The following CADM2 variants were observed in gnomAD, a reference collection of about 807,000 sequenced individuals.
CADM2 encodes the protein immunoglobulin superfamily member 4D.
CADM2 carries 12 observed loss-of-function variants against 49.8 expected under a neutral mutation model. That is an observed-to-expected ratio of 0.24 (90% CI 0.15 to 0.39). CADM2 has a LOEUF of 0.39. Among genes scored for constraint, CADM2 ranks in the 10% least tolerant of loss-of-function variants. The pLI is 1.00. For missense variants in CADM2, 378 were observed against 492.3 expected, an observed-to-expected ratio of 0.77 and a Z score of 2.20; for synonymous variants, 214 against 175.4, an observed-to-expected ratio of 1.22 and a Z score of -1.74.
At chr3:86,002,752 A>G (rs1175476961) in intron 8 of CADM2, among the ~76,000 whole-genome samples, 1 of 152,180 alleles carries the variant, frequency 6.6e-6, no homozygotes, top group Non-Finnish European at 1.5e-5. Context: ...CATAAAAGGT[A>G]TAATTTTAAA....
chr3:85,947,321 A>G (rs1042542565), intron 7 of CADM2, among the ~76,000 whole-genome samples: 3 of 151,662 alleles, frequency 2.0e-5, no homozygotes, highest in African/African-American at 7.3e-5. Context: ...CTTATCATAT[A>G]GATATTCTTA....
At chr3:85,900,420 G>C (rs1195866561) in intron 5 of CADM2, among the ~76,000 whole-genome samples, 1 of 152,056 alleles carries the variant, frequency 6.6e-6, no homozygotes, top group Non-Finnish European at 1.5e-5. Context: ...GAGTTTTGAG[G>C]TTAGACATTA....
At chr3:85,500,934 C>T (rs1435436696) in intron 1 of CADM2, among the ~76,000 whole-genome samples, 1 of 152,082 alleles carries the variant, frequency 6.6e-6, no homozygotes, top group Admixed American at 6.5e-5. Flanking sequence ...AGCTCTTAGA[C>T]CATCAAAGCC....
intron 1 of CADM2, among the ~76,000 whole-genome samples, chr3:85,471,000 A>G (rs1331693877): frequency 6.6e-6 from 1 of 152,228 alleles, no homozygotes; most frequent in East Asian, 1.9e-4. Context: ...TTGTTTAATC[A>G]TGGTATTTTT....
intron 1 of CADM2, among the ~76,000 whole-genome samples, chr3:85,033,836 G>C (rs1421693027): frequency 6.6e-6 from 1 of 152,172 alleles, no homozygotes; most frequent in South Asian, 2.1e-4. Flanking sequence ...AGCATATGTA[G>C]GTTATTCAAA....
chr3:85,146,265 T>C (rs959739414), intron 1 of CADM2, among the ~76,000 whole-genome samples: 4 of 152,158 alleles, frequency 2.6e-5, no homozygotes, highest in African/African-American at 9.7e-5. Flanking sequence ...TTAATAGTAA[T>C]TGTATTATGG....
intron 1 of CADM2, among the ~76,000 whole-genome samples, chr3:85,386,879 C>G (rs923972798): frequency 2.0e-5 from 3 of 152,160 alleles, no homozygotes; most frequent in Admixed American, 2.0e-4. Flanking sequence ...GTATGAAAGG[C>G]AGGCATTTCT....
intron 1 of CADM2, among the ~76,000 whole-genome samples, chr3:85,355,793 G>T (rs1174296588): frequency 6.6e-6 from 1 of 152,040 alleles, no homozygotes; most frequent in Admixed American, 6.6e-5. Context: ...AGAACAGAAG[G>T]GTCTGTTGTG....
chr3:85,352,419 G>T (rs531353330), intron 1 of CADM2, among the ~76,000 whole-genome samples: 64 of 152,190 alleles, frequency 4.2e-4, no homozygotes, highest in African/African-American at 1.5e-3. Context: ...ATATTATTCT[G>T]TTATCGGTGA....
At chr3:85,120,977 C>T (rs1352541614) in intron 1 of CADM2, among the ~76,000 whole-genome samples, 1 of 152,134 alleles carries the variant, frequency 6.6e-6, no homozygotes, top group Non-Finnish European at 1.5e-5. Flanking sequence ...CATGAAGGAG[C>T]TTAAGCCCCT....
chr3:85,244,925 G>T (rs1323168447), intron 1 of CADM2, among the ~76,000 whole-genome samples: 1 of 152,088 alleles, frequency 6.6e-6, no homozygotes, highest in African/African-American at 2.4e-5. Context: ...TTTCCACAAA[G>T]AAAAGATACT....
chr3:85,641,031 T>C (rs1208054174), intron 1 of CADM2, among the ~76,000 whole-genome samples: 1 of 152,152 alleles, frequency 6.6e-6, no homozygotes, highest in African/African-American at 2.4e-5. Flanking sequence ...AGCCCTAAAA[T>C]CCACTCTGGC....
chr3:85,087,487 T>C lies in CADM2; in HGVS notation c.61+127819T>C, dbSNP rs1007180878. Among the ~76,000 whole-genome samples the C allele has an allele frequency of 6.2e-4, 95 of 152,212 alleles. 2 individuals carry two copies. Among genetic ancestry groups the C allele is most frequent in the Non-Finnish European group, 1.0e-4 (7 of 68,034 alleles). On this transcript the variant is annotated intron_variant, in intron 1 of 9. Transcript: ENST00000383699. Reference sequence around the variant, plus strand: ...ACTTATTAATCTTCCAGGATTACCCTTCCATGTAAATTATGGAGTTGTAAT... The same window carrying C: ...ACTTATTAATCTTCCAGGATTACCCCTCCATGTAAATTATGGAGTTGTAAT...
intron 1 of CADM2, among the ~76,000 whole-genome samples, chr3:85,562,575 A>G (rs568895061): frequency 4.6e-5 from 7 of 151,952 alleles, no homozygotes; most frequent in Admixed American, 3.3e-4. Flanking sequence ...AATCTGAAAC[A>G]TTGCTACTTC....
intron 1 of CADM2, among the ~76,000 whole-genome samples, chr3:85,113,552 G>C (rs1328796206): frequency 6.6e-6 from 1 of 151,586 alleles, no homozygotes; most frequent in Admixed American, 6.6e-5. Context: ...AAAAATCAAA[G>C]GTAAAGCAAA....
chr3:85,628,127 T>C (rs986850895), intron 1 of CADM2, among the ~76,000 whole-genome samples: 6 of 152,030 alleles, frequency 3.9e-5, no homozygotes, highest in African/African-American at 1.4e-4. Context: ...CAAATTATAC[T>C]GAATCGTAAT....
chr3:85,413,158 AAAAAATAAT>A (rs2035747742), intron 1 of CADM2, among the ~76,000 whole-genome samples: 1 of 141,650 alleles, frequency 7.1e-6, no homozygotes, highest in South Asian at 2.2e-4. Flanking sequence ...AAAAAAAAAA[AAAAAATAAT>A]AATAATAATA....
chr3:85,752,747 A>AT (rs1040119535), intron 2 of CADM2, among the ~76,000 whole-genome samples: 18 of 151,666 alleles, frequency 1.2e-4, no homozygotes, highest in South Asian at 6.2e-4. Flanking sequence ...AAAATCATGG[A>AT]TTTTTTTTTC....
chr3:85,193,687 C>T (rs1191403098), intron 1 of CADM2, among the ~76,000 whole-genome samples: 2 of 152,096 alleles, frequency 1.3e-5, no homozygotes, highest in Non-Finnish European at 2.9e-5. Flanking sequence ...CCAATGTGAT[C>T]TCTAATTGCT....
Sources: allele counts gnomAD v4.1 joint callset (sites outside exome capture counted in the v4.1 genomes callset), GRCh38; gene constraint gnomAD v4.1.1; transcripts MANE v1.5; gene names NCBI Gene and HGNC (gene_info 2026-07-23, HGNC 2026-07-21).